Variants in CACNA1C observed in about 807,000 individuals in gnomAD.
CACNA1C encodes calcium voltage-gated channel subunit alpha1 C.
A neutral mutation model predicts 229.0 loss-of-function variants in CACNA1C; 30 were observed. That is an observed-to-expected ratio of 0.13 (90% CI 0.10 to 0.18). CACNA1C has a LOEUF of 0.18. Among genes scored for constraint, CACNA1C ranks in the 10% least tolerant of loss-of-function variants. CACNA1C has a pLI of 1.00. For synonymous variants in CACNA1C, 1,114 were observed against 1,132.5 expected, an observed-to-expected ratio of 0.98 and a Z score of 0.33; for missense variants, 1,658 against 2,845.0, an observed-to-expected ratio of 0.58 and a Z score of 9.49.
chr12:2,447,840 C>T (rs529030436), intron 3 of CACNA1C, among the ~76,000 whole-genome samples: 161 of 152,362 alleles, frequency 1.1e-3, no homozygotes, highest in African/African-American at 3.8e-3. Flanking sequence ...CCCTCTGACT[C>T]GCAGAGGAGG....
intron 3 of CACNA1C, among the ~76,000 whole-genome samples, chr12:2,276,315 G>A (rs1004170559): frequency 2.0e-5 from 3 of 152,132 alleles, no homozygotes; most frequent in East Asian, 1.9e-4. Context: ...TCCATGTGCT[G>A]GAATTTGAGG....
intron 3 of CACNA1C, among the ~76,000 whole-genome samples, chr12:2,415,566 G>A (rs1003069253): frequency 1.8e-4 from 27 of 152,188 alleles, no homozygotes; most frequent in Non-Finnish European, 2.6e-4. Flanking sequence ...ACCGTCCCAA[G>A]AAGAAGAAAT....
chr12:2,269,181 C>T (rs1315938274), intron 3 of CACNA1C, among the ~76,000 whole-genome samples: 1 of 152,180 alleles, frequency 6.6e-6, no homozygotes, highest in Non-Finnish European at 1.5e-5. Flanking sequence ...AAAATGACTT[C>T]AATATGCAAA....
At chr12:2,519,889 A>C (rs570653202) in intron 9 of CACNA1C, among the ~76,000 whole-genome samples, 1 of 152,364 alleles carries the variant, frequency 6.6e-6, no homozygotes, top group African/African-American at 2.4e-5. Context: ...CTGCTGTGCT[A>C]TCTGGCCCCG....
chr12:2,460,126 C>G (rs548166688), intron 5 of CACNA1C, among the ~76,000 whole-genome samples: 3 of 152,328 alleles, frequency 2.0e-5, no homozygotes, highest in African/African-American at 7.2e-5. Context: ...ATTCTGGAGC[C>G]CAGGTCGAAG....
At chr12:2,174,520 G>A (rs1490791409) in intron 3 of CACNA1C, among the ~76,000 whole-genome samples, 1 of 152,172 alleles carries the variant, frequency 6.6e-6, no homozygotes, top group Non-Finnish European at 1.5e-5. Flanking sequence ...GTTATAAACA[G>A]TTGCTGATTT....
chr12:2,688,823 C>A (rs1471267842), intron 46 of CACNA1C, 44 bp downstream of exon 46: 1 of 1,403,832 alleles, frequency 7.1e-7, no homozygotes, highest in Non-Finnish European at 9.4e-7. Context: ...CCACGGGCAA[C>A]AAGGGGACTT....
At chr12:2,621,365 A>G (rs2083139467) in intron 29 of CACNA1C, among the ~76,000 whole-genome samples, 1 of 152,192 alleles carries the variant, frequency 6.6e-6, no homozygotes, top group South Asian at 2.1e-4. Context: ...CATTTCAGGC[A>G]GAAGGAAGAG....
chr12:2,525,881 G>A (rs138665011), intron 9 of CACNA1C, among the ~76,000 whole-genome samples: 1 of 152,284 alleles, frequency 6.6e-6, no homozygotes, highest in Non-Finnish European at 1.5e-5. Flanking sequence ...GTTAATCACC[G>A]TGATCACTTT....
At chr12:2,079,042 C>T (rs902868644) in intron 1 of CACNA1C, among the ~76,000 whole-genome samples, 33 of 149,892 alleles carry the variant, frequency 2.2e-4, no homozygotes, top group Admixed American at 1.1e-3. Context: ...AAAAACCAAA[C>T]GCCACATGTT....
intron 9 of CACNA1C, among the ~76,000 whole-genome samples, chr12:2,521,525 T>A (rs1424121082): frequency 6.6e-6 from 1 of 152,154 alleles, no homozygotes; most frequent in East Asian, 1.9e-4. Context: ...GACAGCATCC[T>A]CTGCCTGCCC....
intron 13 of CACNA1C, among the ~76,000 whole-genome samples, chr12:2,579,232 A>G (rs1057353812): frequency 6.6e-6 from 1 of 152,158 alleles, no homozygotes. Context: ...TCTTTACTTC[A>G]TGAAAACGAA....
At chr12:2,484,974 C>G (rs1483117061) in intron 5 of CACNA1C, among the ~76,000 whole-genome samples, 1 of 149,794 alleles carries the variant, frequency 6.7e-6, no homozygotes. Flanking sequence ...ATCAGCCTTG[C>G]GAGAATCACA....
intron 1 of CACNA1C, among the ~76,000 whole-genome samples, chr12:2,010,574 T>C (rs2044233405): frequency 6.6e-6 from 1 of 152,170 alleles, no homozygotes; most frequent in African/African-American, 2.4e-5. Context: ...ACCACTCTCT[T>C]TGCTTCTCTC....
In CACNA1C at chr12:2,639,118, A is replaced by G. The variant is rs1178488734; in HGVS notation, c.3912+4738A>G. Reference sequence around the variant, plus strand: ...CGTCTTCAGGCCCCCTCGTGCGGTCATGCTGAATTCAGCCTCAGTATCTGA... The same window carrying G: ...CGTCTTCAGGCCCCCTCGTGCGGTCGTGCTGAATTCAGCCTCAGTATCTGA... On this transcript the variant is annotated intron_variant, in intron 30 of 46. Transcript: ENST00000399655. The surrounding 1 kb of genome is among the most constrained non-coding windows in gnomAD (Gnocchi z 4.2). Among the ~76,000 whole-genome samples the G allele has an allele frequency of 6.6e-6, 1 of 152,238 alleles. No individual in the cohort carries two copies. Among genetic ancestry groups the G allele is most frequent in the Non-Finnish European group, 1.5e-5 (1 of 68,042 alleles).
At chr12:2,008,501 A>G (rs2154481707) in intron 1 of CACNA1C, among the ~76,000 whole-genome samples, 1 of 152,234 alleles carries the variant, frequency 6.6e-6, no homozygotes, top group Admixed American at 6.5e-5. Flanking sequence ...ACTTGGTCCA[A>G]TGCCTTGTAC....
chr12:2,045,059 A>T (rs989200875), intron 1 of CACNA1C, among the ~76,000 whole-genome samples: 2 of 152,224 alleles, frequency 1.3e-5, no homozygotes, highest in Non-Finnish European at 2.9e-5. Flanking sequence ...TGCCAGCTGA[A>T]ATATGGAAGG....
In CACNA1C at chr12:2,135,886, G is replaced by A. The variant is rs572866610; in HGVS notation, c.477+15456G>A. Reference sequence around the variant, plus strand: ...TTTACCTAATCAAGCCCGGGCAATGGCGGGCGCCCCTCCCCCAGCCTCGCT... The same window carrying A: ...TTTACCTAATCAAGCCCGGGCAATGACGGGCGCCCCTCCCCCAGCCTCGCT... On this transcript the variant is annotated intron_variant, in intron 3 of 46. Transcript: ENST00000399655. Among the ~76,000 whole-genome samples, 74 of 148,738 alleles carry A rather than the reference G, an allele frequency of 5.0e-4. 3 individuals are homozygous for A. Among genetic ancestry groups the A allele is most frequent in the Admixed American group, 2.0e-3 (30 of 14,988 alleles).
At chr12:2,025,580 T>G (rs2047182229) in intron 1 of CACNA1C, among the ~76,000 whole-genome samples, 1 of 152,164 alleles carries the variant, frequency 6.6e-6, no homozygotes, top group Non-Finnish European at 1.5e-5. Context: ...TTTTCCTTTA[T>G]TCTCTCACAT....
Sources: gnomAD v4.1 joint callset for allele counts (sites outside exome capture counted in the v4.1 genomes callset) on GRCh38, gnomAD v4.1.1 for gene constraint, Gnocchi (gnomAD v3.1) non-coding constraint, MANE v1.5 for transcripts, NCBI Gene and HGNC (gene_info 2026-07-23, HGNC 2026-07-21) for gene names.